The following CCNL1 variants were observed in gnomAD, a reference collection of about 807,000 sequenced individuals.
CCNL1 encodes the protein cyclin-L1.
A neutral mutation model predicts 60.6 loss-of-function variants in CCNL1; 13 were observed. That is an observed-to-expected ratio of 0.21 (90% CI 0.14 to 0.34). The LOEUF is 0.34. Ranked by LOEUF, CCNL1 falls within the 10% of genes least tolerant of loss-of-function variation. The pLI, the probability that CCNL1 is intolerant of heterozygous loss-of-function variation, is 1.00. For missense variants in CCNL1, 481 were observed against 664.3 expected, an observed-to-expected ratio of 0.72 and a Z score of 3.03; for synonymous variants, 270 against 244.3, an observed-to-expected ratio of 1.10 and a Z score of -0.98.
rs1245715455 is a variant in CCNL1, at chr3:157,159,497, G to A, written c.304-18C>T. 9.9e-6 allele frequency: 16 copies of A among 1,610,044 alleles called. No homozygotes were observed. In the African/African-American group the frequency reaches 1.9e-4, roughly 19 times the overall value. ...ATCGCCACCTGCAGACAAGAGAGGAGAACGGAAGCGCAGGGGTCAGGCGGG... is the reference window on the plus strand; with the variant it reads ...ATCGCCACCTGCAGACAAGAGAGGAAAACGGAAGCGCAGGGGTCAGGCGGG... On this transcript the variant is annotated intron_variant, in intron 1 of 10. Transcript: ENST00000295926.
rs1738835776 is a variant in CCNL1, at chr3:157,158,919, T to C, written c.435A>G (p.Arg145=). 6.2e-7 allele frequency: 1 copy of C among 1,613,646 alleles called. No homozygotes were observed. The highest frequency in any genetic ancestry group is 1.3e-5 in the African/African-American group (1 of 74,920). The change falls in exon 3 of 11, where the codon AGA becomes AGG. Residue 145 remains arginine (R), a synonymous_variant. Transcript: ENST00000295926. ...GGAATACATTAATCACATCTCTTAT[T>C]CTTCTAGGTGCTTCTTCGATTTTTG... ...LASKIEEAPR[R]IRDVINVFHH...
rs1738915788 is a variant in CCNL1 at position 157,159,612 on chromosome 3, A to C, written c.304-133T>G. The C allele has an allele frequency of 4.0e-6, 4 of 1,010,462 alleles. No homozygotes were observed. In the South Asian group the frequency reaches 6.2e-5, roughly 16 times the overall value. The allele number at this position is 1,010,462 out of a possible 1,614,324, so 62.6% of individuals were successfully genotyped here. On this transcript the variant is annotated intron_variant, in intron 1 of 10. Coordinates refer to ENST00000295926, the MANE Select transcript of CCNL1 (RefSeq NM_020307.4). ...CGCCGCTGCGAACAGCCCGCTGCCA[A>C]GTCCTCCCTCCGCCTCCGCAGCCCC...
At chr3:157,159,267 C>T (rs1738868024) in intron 2 of CCNL1, 138 bp downstream of exon 2, 2 of 766,410 alleles carry the variant, frequency 2.6e-6, no homozygotes, top group Non-Finnish European at 4.3e-6. Flanking sequence ...AAGGTTTCCA[C>T]TTCCTGGCGA....
At chr3:157,145,272 T>TA (rs920615838), downstream of CCNL1, among the ~76,000 whole-genome samples, 1 of 151,332 alleles carries the variant, frequency 6.6e-6, no homozygotes, top group Non-Finnish European at 1.5e-5. Flanking sequence ...CCGTCTCTAC[T>TA]AAAAACACAA....
Position 157,149,571 on chromosome 3 carries a change from T to C in CCNL1, c.1047A>G (p.Glu349=). The C allele has an allele frequency of 6.2e-7, 1 of 1,613,968 alleles. No individual in the cohort carries two copies. The highest frequency in any genetic ancestry group is 1.1e-5 in the South Asian group (1 of 91,046). The change falls in exon 9 of 11, where the codon GAA becomes GAG. Residue 349 remains glutamate (E), a synonymous_variant. Coordinates refer to ENST00000295926, the MANE Select transcript of CCNL1 (RefSeq NM_020307.4). ...CATTAATGGAGATTGGTGATTTCTC[T>C]TCAGCTTTTACTTCTCTTGGTGATG... is the stretch of plus-strand genomic sequence containing the variant. ...KPSSPREVKA[E]EKSPISINVK...
downstream of CCNL1, chr3:157,146,476 T>C (rs989868707): frequency 6.7e-6 from 3 of 445,478 alleles, no homozygotes; most frequent in Admixed American, 7.3e-5. Flanking sequence ...GCACTCCTAT[T>C]TCCAAGCAAA....
At chr3:157,156,651 G>C (rs1195500503) in intron 3 of CCNL1, among the ~76,000 whole-genome samples, 1 of 152,168 alleles carries the variant, frequency 6.6e-6, no homozygotes, top group Admixed American at 6.5e-5. Context: ...TAGCCAGGCT[G>C]AAGAGACCAA....
At chr3:157,143,491 A>C (rs1387661853), downstream of CCNL1, among the ~76,000 whole-genome samples, 1 of 152,226 alleles carries the variant, frequency 6.6e-6, no homozygotes, top group Non-Finnish European at 1.5e-5. Context: ...TATTTATTAC[A>C]TACCCTAATA....
downstream of CCNL1, among the ~76,000 whole-genome samples, chr3:157,143,505 G>A (rs1251326209): frequency 6.6e-6 from 1 of 152,064 alleles, no homozygotes; most frequent in East Asian, 1.9e-4. Context: ...CCTAATATGG[G>A]CCAGACACTC....
At chr3:157,154,947 TA>T (rs1560199993) in intron 3 of CCNL1, among the ~76,000 whole-genome samples, 2 of 151,996 alleles carry the variant, frequency 1.3e-5, no homozygotes, top group African/African-American at 4.8e-5. Flanking sequence ...CATACATACA[TA>T]CATACATACA....
chr3:157,156,359 C>T (rs1738622634), intron 3 of CCNL1, among the ~76,000 whole-genome samples: 1 of 152,196 alleles, frequency 6.6e-6, no homozygotes, highest in African/African-American at 2.4e-5. Flanking sequence ...TCTTACCTAT[C>T]CAACTTTTAT....
At chr3:157,149,771 A>G in intron 8 of CCNL1, 65 bp downstream of exon 8, 1 of 1,563,788 alleles carries the variant, frequency 6.4e-7, no homozygotes, top group Non-Finnish European at 8.7e-7. Context: ...TTCAAATGTA[A>G]AAGCTCTCTA....
chr3:157,144,390 C>T (rs1737724661), downstream of CCNL1, among the ~76,000 whole-genome samples: 1 of 152,092 alleles, frequency 6.6e-6, no homozygotes, highest in Non-Finnish European at 1.5e-5. Flanking sequence ...TCCTATTTGC[C>T]CAACACATAT....
intron 3 of CCNL1, chr3:157,157,093 C>T (rs1266143220): frequency 7.8e-7 from 1 of 1,289,578 alleles, no homozygotes; most frequent in African/African-American, 1.5e-5. Flanking sequence ...GCTGTATAGT[C>T]GGTTGCAAGG....
downstream of CCNL1, among the ~76,000 whole-genome samples, chr3:157,143,545 GAATAAA>G (rs1737703205): frequency 2.0e-5 from 3 of 152,196 alleles, no homozygotes; most frequent in Admixed American, 2.0e-4. Context: ...ATACAATAAT[GAATAAA>G]CTACAGAGCT....
At chr3:157,155,186 T>C (rs896280378) in intron 3 of CCNL1, among the ~76,000 whole-genome samples, 1 of 152,164 alleles carries the variant, frequency 6.6e-6, no homozygotes, top group African/African-American at 2.4e-5. Flanking sequence ...CAGAAGACGG[T>C]ATCATCAAAA....
chr3:157,151,829 G>C, intron 5 of CCNL1: 1 of 1,145,492 alleles, frequency 8.7e-7, no homozygotes, highest in Non-Finnish European at 1.1e-6. Flanking sequence ...ATGAGAGCTT[G>C]CACTGGATTG....
chr3:157,159,750 G>A (rs906056114), intron 1 of CCNL1, 42 bp downstream of exon 1: 28 of 1,465,828 alleles, frequency 1.9e-5, no homozygotes, highest in South Asian at 5.3e-5. Flanking sequence ...GGACGGAGGA[G>A]AGGAGAGGAG....
At chr3:157,152,438 T>C in intron 4 of CCNL1, 197 bp from the exon 5 acceptor site, 2 of 1,269,126 alleles carry the variant, frequency 1.6e-6, no homozygotes, top group Non-Finnish European at 2.0e-6. Context: ...TTTAGAAGCA[T>C]ATTTCAAAAT....
Sources: gnomAD v4.1 joint callset for allele counts (sites outside exome capture counted in the v4.1 genomes callset) on GRCh38, gnomAD v4.1.1 for gene constraint, MANE v1.5 for transcripts, NCBI Gene and HGNC (gene_info 2026-07-23, HGNC 2026-07-21) for gene names.